The following MAP3K4 variants were observed in gnomAD, a reference collection of about 807,000 sequenced individuals.
MAP3K4 encodes the protein MAP three kinase 1.
Under a neutral mutation model 185.6 loss-of-function variants are expected in MAP3K4, and 67 were observed. The ratio of observed to expected loss-of-function variants is 0.36; its 90% CI spans 0.30 to 0.44. The LOEUF (loss-of-function observed/expected upper bound fraction) is 0.44. MAP3K4 is among the 20% of genes least tolerant of loss of function. The pLI, the probability that MAP3K4 is intolerant of heterozygous loss-of-function variation, is 1.00. For synonymous variants in MAP3K4, 702 were observed against 710.4 expected (o/e 0.99, Z 0.19); for missense variants, 1,551 against 1,995.1 (o/e 0.78, Z 4.24).
At chr6:160,999,768 CATGTGCACAGTT>C (rs1480767823) in intron 1 of MAP3K4, among the ~76,000 whole-genome samples, 1 of 152,148 alleles carries the variant, frequency 6.6e-6, no homozygotes, top group Non-Finnish European at 1.5e-5. Context: ...AGCTTAAGCC[CATGTGCACAGTT>C]ACTTGGCAAC....
Position 161,070,884 on chromosome 6 carries a change from A to G in MAP3K4, c.1950+34A>G, listed in dbSNP as rs564712589. The G allele has an allele frequency of 4.0e-5, 61 of 1,537,146 alleles. No homozygotes were observed. The South Asian group carries it at 6.9e-4, about 17-fold the overall frequency. ...CAAAGACTCTTTAAAATATTTAGCA[A>G]TTATTATATTATCCTACAGGCTTAT... On this transcript the variant is annotated intron_variant, in intron 4 of 26. Coordinates refer to ENST00000392142, the MANE Select transcript of MAP3K4 (RefSeq NM_005922.4). This position sits in a 1 kb window ranked among gnomAD's most constrained non-coding sequence, Gnocchi z 4.5.
At position 161,106,437 on chromosome 6, in the gene MAP3K4, A is replaced by G. The variant is rs1583242269; in HGVS notation, c.3857-77A>G. 2.9e-6 allele frequency: 3 copies of G among 1,047,728 alleles called. No homozygotes were observed. The highest frequency in any genetic ancestry group is 2.8e-6 in the Non-Finnish European group (2 of 714,602). The allele number at this position is 1,047,728 out of a possible 1,614,324, so 64.9% of individuals were successfully genotyped here. On this transcript the variant is annotated intron_variant, in intron 19 of 26. Transcript: ENST00000392142. This position sits in a 1 kb window ranked among gnomAD's most constrained non-coding sequence, Gnocchi z 4.9. ...ATGGAGTGCTAATATATATTGCTCTATTTTTATTGGTTTGTCTTTTGGAAA... is the reference window on the plus strand; with the variant it reads ...ATGGAGTGCTAATATATATTGCTCTGTTTTTATTGGTTTGTCTTTTGGAAA...
intron 15 of MAP3K4, among the ~76,000 whole-genome samples, chr6:161,094,815 A>G (rs965276494): frequency 5.9e-5 from 9 of 152,226 alleles, no homozygotes; most frequent in African/African-American, 2.2e-4. Flanking sequence ...CTATTGTCTT[A>G]TCAGGTTATT....
Position 161,008,466 on chromosome 6 carries a change from C to T in MAP3K4, c.152+16383C>T, listed in dbSNP as rs1314303382. ...ACAGAATTTTACATACCGAGTTTTA[C>T]GTATAATGGGAGCTGTATAAGCGTT... is the stretch of plus-strand genomic sequence containing the variant. On this transcript the variant is annotated intron_variant, in intron 1 of 26. Transcript: ENST00000392142. The surrounding 1 kb of genome is among the most constrained non-coding windows in gnomAD (Gnocchi z 4.1). Among the ~76,000 whole-genome samples the T allele has an allele frequency of 2.6e-5, 4 of 151,958 alleles. No individual in the cohort carries two copies. The highest frequency in any genetic ancestry group is 7.3e-5 in the African/African-American group (3 of 41,350).
At chr6:161,055,212 C>G (rs1784178389) in intron 3 of MAP3K4, among the ~76,000 whole-genome samples, 1 of 152,204 alleles carries the variant, frequency 6.6e-6, no homozygotes, top group Admixed American at 6.5e-5. Flanking sequence ...TAAAAGTTAA[C>G]AAGAGTCATC....
At chr6:160,992,193 C>G (rs1780747192) in intron 1 of MAP3K4, 110 bp downstream of exon 1, 1 of 1,365,128 alleles carries the variant, frequency 7.3e-7, no homozygotes, top group Non-Finnish European at 9.5e-7. Flanking sequence ...AGGGAAGCAT[C>G]CAGTCTCTGC....
In MAP3K4 at chr6:161,073,413, G is replaced by C. The variant is rs1273543630; in HGVS notation, c.1951-53G>C. On this transcript the variant is annotated intron_variant, in intron 4 of 26. Transcript: ENST00000392142. The surrounding 1 kb of genome is among the most constrained non-coding windows in gnomAD (Gnocchi z 4.2). ...TTTAAGTAGGAAGATATAAAACACG[G>C]ATCGTCTGGTTGGAGTTTATGGCTG... The C allele has an allele frequency of 1.3e-5, 20 of 1,487,282 alleles. No individual in the cohort carries two copies. Among genetic ancestry groups the C allele is most frequent in the Non-Finnish European group, 1.8e-5 (20 of 1,115,764 alleles). The allele number at this position is 1,487,282 out of a possible 1,614,324, so 92.1% of individuals were successfully genotyped here. A position where few individuals can be genotyped will look rare whatever the true frequency, so the allele number is the denominator to read the frequency against.
At position 161,084,531 on chromosome 6, in the gene MAP3K4, A is replaced by G. The variant is rs377582127; in HGVS notation, c.2286A>G (p.Thr762=). Reference sequence around the variant, plus strand: ...TTGCAGGAATGCTGCTGAAATCTACAGGAAGTTTTTTAGAATTTGGCTTAC... The same window carrying G: ...TTGCAGGAATGCTGCTGAAATCTACGGGAAGTTTTTTAGAATTTGGCTTAC... ...CDIAGMLLKS[T]GSFLEFGLQE... The change falls in exon 7 of 27, where the codon ACA becomes ACG. Residue 762 remains threonine, a synonymous_variant. Transcript: ENST00000392142. This position sits in a 1 kb window ranked among gnomAD's most constrained non-coding sequence, Gnocchi z 4.6. 5.0e-6 allele frequency: 8 copies of G among 1,602,072 alleles called. 1 individual carries two copies.
At chr6:161,000,801 A>ATG (rs201726634) in intron 1 of MAP3K4, among the ~76,000 whole-genome samples, 3,519 of 148,356 alleles carry the variant, frequency 0.024, 156 homozygotes, top group African/African-American at 0.082. Context: ...ACACATGTGT[A>ATG]CACCCATATA....
intron 2 of MAP3K4, among the ~76,000 whole-genome samples, chr6:161,035,081 T>G (rs1280609608): frequency 6.6e-6 from 1 of 151,774 alleles, no homozygotes; most frequent in Non-Finnish European, 1.5e-5. Flanking sequence ...GGGACGTAAC[T>G]GTTCTTTTTT....
chr6:161,085,233 TTTA>T (rs1460948437), intron 7 of MAP3K4, among the ~76,000 whole-genome samples: 2 of 152,138 alleles, frequency 1.3e-5, no homozygotes, highest in Admixed American at 6.5e-5. Flanking sequence ...TGGGATGCCT[TTTA>T]TATTAGTTTC....
chr6:161,073,271 T>C lies in MAP3K4; in HGVS notation c.1951-195T>C. On this transcript the variant is annotated intron_variant, in intron 4 of 26. Coordinates refer to ENST00000392142, the MANE Select transcript of MAP3K4 (RefSeq NM_005922.4). The surrounding 1 kb of genome is among the most constrained non-coding windows in gnomAD (Gnocchi z 4.2). ...TAGTATTAAATTCTTTTATTTTCAC[T>C]GTTTTGTTGCTTCTCAATTGAGACT... is the stretch of plus-strand genomic sequence containing the variant. The C allele has an allele frequency of 2.4e-6, 1 of 422,460 alleles. No homozygotes were observed. Among genetic ancestry groups the C allele is most frequent in the Non-Finnish European group, 4.1e-6 (1 of 242,018 alleles). 26.2% of individuals were successfully genotyped at this position (422,460 alleles called of 1,614,324 possible).
At position 160,991,789 on chromosome 6, in the gene MAP3K4, C is replaced by G; in HGVS notation, c.-143C>G. On this transcript the variant is annotated 5_prime_UTR_variant, in exon 1 of 27. Coordinates refer to ENST00000392142, the MANE Select transcript of MAP3K4 (RefSeq NM_005922.4). This position sits in a 1 kb window ranked among gnomAD's most constrained non-coding sequence, Gnocchi z 5.7. ...CCGGCGCTCGGCCGGTCGCCGTTTC[C>G]AAGATGGCCGCGGCGCGCACGGCTC... is the stretch of plus-strand genomic sequence containing the variant. 2 of 987,470 alleles carry G rather than the reference C, an allele frequency of 2.0e-6. No homozygotes were observed. The highest frequency in any genetic ancestry group is 2.7e-6 in the Non-Finnish European group (2 of 735,016). 61.2% of individuals were successfully genotyped at this position (987,470 alleles called of 1,614,324 possible).
intron 1 of MAP3K4, among the ~76,000 whole-genome samples, chr6:161,020,675 CAAG>C (rs1416409744): frequency 1.5e-5 from 2 of 137,670 alleles, no homozygotes; most frequent in African/African-American, 5.4e-5. Context: ...AAAAAAAAAA[CAAG>C]AAAGAGAAAA....
Position 161,051,115 on chromosome 6 carries a change from G to A in MAP3K4, c.1707+1136G>A, listed in dbSNP as rs1237959004. On this transcript the variant is annotated intron_variant, in intron 3 of 26. Transcript: ENST00000392142. This position sits in a 1 kb window ranked among gnomAD's most constrained non-coding sequence, Gnocchi z 4.2. The stretch of plus-strand genomic sequence containing the variant: ...GGGAATAATGGCAAGAAAAAAGTTT[G>A]TACATGTTTAATACAGATGTAGTTT... Among the ~76,000 whole-genome samples, 1 of 152,216 alleles carries A rather than the reference G, an allele frequency of 6.6e-6. No individual in the cohort carries two copies. Among genetic ancestry groups the A allele is most frequent in the Non-Finnish European group, 1.5e-5 (1 of 68,044 alleles).
At chr6:161,006,337 A>G (rs1426949125) in intron 1 of MAP3K4, among the ~76,000 whole-genome samples, 1 of 152,248 alleles carries the variant, frequency 6.6e-6, no homozygotes, top group Non-Finnish European at 1.5e-5. Flanking sequence ...CCAACTGCAG[A>G]TTGAAAATAT....
chr6:161,073,732 G>C lies in MAP3K4; in HGVS notation c.2097+120G>C, dbSNP rs1785051181. ...ATACATATTCAGATAAACTTCTCTA[G>C]TAATGAATTATAGAAATGATCCCTG... On this transcript the variant is annotated intron_variant, in intron 5 of 26. Coordinates refer to ENST00000392142, the MANE Select transcript of MAP3K4 (RefSeq NM_005922.4). The surrounding 1 kb of genome is among the most constrained non-coding windows in gnomAD (Gnocchi z 4.2). The C allele has an allele frequency of 6.9e-6, 7 of 1,010,216 alleles. No individual in the cohort carries two copies. The highest frequency in any genetic ancestry group is 9.8e-6 in the Non-Finnish European group (7 of 711,994). 62.6% of individuals were successfully genotyped at this position (1,010,216 alleles called of 1,614,324 possible).
At position 161,110,094 on chromosome 6, in the gene MAP3K4, C is replaced by G. The variant is rs558837751; in HGVS notation, c.4396+180C>G. On this transcript the variant is annotated intron_variant, in intron 23 of 26. Transcript: ENST00000392142. The surrounding 1 kb of genome is among the most constrained non-coding windows in gnomAD (Gnocchi z 4.8). ...GAAACAAGGTAGAACTCATGTCTCT[C>G]TACCCAGGAGTCCGCTCTTTCTGTT... Among the ~76,000 whole-genome samples, 1 of 152,344 alleles carries G rather than the reference C, an allele frequency of 6.6e-6. No homozygotes were observed. The highest frequency in any genetic ancestry group is 1.9e-4 in the East Asian group (1 of 5,182).
In MAP3K4 at chr6:161,008,006, T is replaced by C. The variant is rs932943853; in HGVS notation, c.152+15923T>C. 5.3e-5 allele frequency among the ~76,000 whole-genome samples: 8 copies of C among 152,184 alleles called. No individual in the cohort carries two copies. Among genetic ancestry groups the C allele is most frequent in the South Asian group, 2.1e-4 (1 of 4,834 alleles). ...AATTAAACTTTTTATGTGATAAATA[T>C]GGTAAGGCATAGCTATTGTCTTCTA... On this transcript the variant is annotated intron_variant, in intron 1 of 26. Transcript: ENST00000392142. The surrounding 1 kb of genome is among the most constrained non-coding windows in gnomAD (Gnocchi z 4.1).
Sources: gnomAD v4.1 joint callset for allele counts (sites outside exome capture counted in the v4.1 genomes callset) on GRCh38, gnomAD v4.1.1 for gene constraint, Gnocchi (gnomAD v3.1) non-coding constraint, MANE v1.5 for transcripts, NCBI Gene and HGNC (gene_info 2026-07-23, HGNC 2026-07-21) for gene names.